The following IFT80 variants were observed in gnomAD, a reference collection of about 807,000 sequenced individuals.
IFT80 encodes intraflagellar transport 80.
A neutral mutation model predicts 107.9 loss-of-function variants in IFT80; 79 were observed. The observed-to-expected ratio is 0.73, with a 90% CI of 0.61 to 0.88. The LOEUF (loss-of-function observed/expected upper bound fraction) is 0.88, where lower values mean the gene tolerates loss of function less well. Ranked by LOEUF, IFT80 falls within the 40% of genes least tolerant of loss-of-function variation. IFT80 has a pLI of 0.00. For synonymous variants in IFT80, 299 were observed against 300.9 expected (o/e 0.99, Z 0.07); for missense variants, 797 against 914.2 (o/e 0.87, Z 1.65).
intron 8 of IFT80, among the ~76,000 whole-genome samples, chr3:160,329,759 T>TG (rs556934534): frequency 2.0e-4 from 30 of 152,246 alleles, no homozygotes; most frequent in East Asian, 3.9e-4. Context: ...CCCTGTTTCT[T>TG]GGGGGGGTCT....
intron 18 of IFT80, among the ~76,000 whole-genome samples, chr3:160,276,029 A>G (rs1430463964): frequency 6.6e-6 from 1 of 151,926 alleles, no homozygotes; most frequent in Non-Finnish European, 1.5e-5. Flanking sequence ...CACCATGCCC[A>G]GCTGCTTTTT....
chr3:160,300,811 G>T, intron 12 of IFT80, 72 bp downstream of exon 12: 1 of 1,206,244 alleles, frequency 8.3e-7, no homozygotes, highest in Non-Finnish European at 1.2e-6. Flanking sequence ...GAAAATGTAA[G>T]TTAATTTGTG....
intron 4 of IFT80, among the ~76,000 whole-genome samples, chr3:160,376,990 G>A (rs942238577): frequency 1.3e-5 from 2 of 152,124 alleles, no homozygotes; most frequent in African/African-American, 4.8e-5. Context: ...CTGACCCACA[G>A]AAACTATCAG....
At chr3:160,382,471 C>T (rs1437743426) in intron 2 of IFT80, among the ~76,000 whole-genome samples, 1 of 152,052 alleles carries the variant, frequency 6.6e-6, no homozygotes, top group African/African-American at 2.4e-5. Flanking sequence ...CTTTATTTAA[C>T]CCATTTTTTC....
chr3:160,320,749 G>A (rs1275068744), intron 8 of IFT80, among the ~76,000 whole-genome samples: 1 of 150,946 alleles, frequency 6.6e-6, no homozygotes, highest in East Asian at 1.9e-4. Context: ...TGTTGCTCTC[G>A]GCTGGATATA....
chr3:160,309,489 C>A (rs1160640252), intron 9 of IFT80, among the ~76,000 whole-genome samples: 2 of 152,136 alleles, frequency 1.3e-5, no homozygotes, highest in Non-Finnish European at 2.9e-5. Flanking sequence ...AGATCGAGAC[C>A]ATCCTGGCTA....
intron 9 of IFT80, among the ~76,000 whole-genome samples, chr3:160,308,448 A>G (rs1388428405): frequency 1.3e-5 from 2 of 152,182 alleles, no homozygotes; most frequent in Non-Finnish European, 2.9e-5. Flanking sequence ...GCAGTTTTGG[A>G]AAAAAATCTT....
intron 8 of IFT80, among the ~76,000 whole-genome samples, chr3:160,335,935 C>T (rs977041462): frequency 6.6e-6 from 1 of 152,168 alleles, no homozygotes; most frequent in African/African-American, 2.4e-5. Flanking sequence ...TGCCTTCTTT[C>T]ACTTAGCATG....
At chr3:160,266,637 G>T (rs942597304) in intron 19 of IFT80, among the ~76,000 whole-genome samples, 7 of 152,260 alleles carry the variant, frequency 4.6e-5, no homozygotes, top group African/African-American at 1.7e-4. Context: ...TCCTGCCTCA[G>T]CCTCCCAAAG....
chr3:160,313,405 T>G (rs1453099837), intron 9 of IFT80, among the ~76,000 whole-genome samples: 1 of 151,800 alleles, frequency 6.6e-6, no homozygotes, highest in Non-Finnish European at 1.5e-5. Flanking sequence ...TCTAACATTA[T>G]TAAAATTATA....
chr3:160,375,631 C>A (rs1009907051), intron 5 of IFT80, among the ~76,000 whole-genome samples, 181 bp downstream of exon 5: 1 of 151,926 alleles, frequency 6.6e-6, no homozygotes, highest in Non-Finnish European at 1.5e-5. Flanking sequence ...AATAGTGTTA[C>A]CATGGTACAT....
At chr3:160,262,573 C>A (rs1298117890) in intron 19 of IFT80, among the ~76,000 whole-genome samples, 1 of 152,144 alleles carries the variant, frequency 6.6e-6, no homozygotes, top group East Asian at 1.9e-4. Context: ...GATCCTCCTG[C>A]CTTGGTCTCC....
chr3:160,311,510 C>T (rs1717247240), intron 9 of IFT80, among the ~76,000 whole-genome samples: 1 of 152,062 alleles, frequency 6.6e-6, no homozygotes, highest in Non-Finnish European at 1.5e-5. Flanking sequence ...AAAAACAATT[C>T]CAGAACTAGT....
chr3:160,279,152 A>G, intron 16 of IFT80, 41 bp downstream of exon 16: 1 of 1,538,640 alleles, frequency 6.5e-7, no homozygotes, highest in East Asian at 2.3e-5. Flanking sequence ...GTAAACTACT[A>G]TGAAATATAT....
chr3:160,266,112 G>A (rs753617915), intron 19 of IFT80, among the ~76,000 whole-genome samples: 7 of 151,440 alleles, frequency 4.6e-5, no homozygotes, highest in Non-Finnish European at 1.0e-4. Flanking sequence ...AGTAGGAAAC[G>A]AGAACATAGT....
chr3:160,361,693 A>G (rs1400992462), intron 6 of IFT80, among the ~76,000 whole-genome samples: 1 of 152,216 alleles, frequency 6.6e-6, no homozygotes, highest in Non-Finnish European at 1.5e-5. Flanking sequence ...ACCACAGTGC[A>G]ATCAAATTAG....
At chr3:160,259,289 C>T (rs1712618767) in intron 19 of IFT80, among the ~76,000 whole-genome samples, 1 of 152,128 alleles carries the variant, frequency 6.6e-6, no homozygotes, top group Admixed American at 6.5e-5. Flanking sequence ...GGATTGTGTA[C>T]ACGTGCTCAG....
At chr3:160,390,410 T>G (rs1713286981) in intron 1 of IFT80, among the ~76,000 whole-genome samples, 2 of 146,988 alleles carry the variant, frequency 1.4e-5, no homozygotes. Context: ...AGAGTGAAAT[T>G]CCGTCTCAAA....
intron 8 of IFT80, among the ~76,000 whole-genome samples, chr3:160,349,861 A>G (rs1214002894): frequency 1.3e-5 from 2 of 152,178 alleles, no homozygotes; most frequent in African/African-American, 2.4e-5. Flanking sequence ...AGCTGACACC[A>G]GCAGTTACCA....
Sources: allele counts gnomAD v4.1 joint callset (sites outside exome capture counted in the v4.1 genomes callset), GRCh38; gene constraint gnomAD v4.1.1; transcripts MANE v1.5; gene names NCBI Gene and HGNC (gene_info 2026-07-23, HGNC 2026-07-21).